Variants in SUMF1 observed in about 807,000 individuals in gnomAD.
SUMF1 encodes the protein sulfatase modifying factor 1.
A neutral mutation model predicts 47.6 loss-of-function variants in SUMF1; 48 were observed. The observed-to-expected ratio is 1.01, with a 90% CI of 0.80 to 1.28. The LOEUF (loss-of-function observed/expected upper bound fraction) is 1.28. SUMF1 is among the 50% of genes most tolerant of loss of function. The pLI, the probability that SUMF1 is intolerant of heterozygous loss-of-function variation, is 0.00. For synonymous variants in SUMF1, 230 were observed against 192.1 expected, an observed-to-expected ratio of 1.20 and a Z score of -1.63; for missense variants, 571 against 485.4, an observed-to-expected ratio of 1.18 and a Z score of -1.66.
chr3:4,159,727 T>C (rs1280032658), intron 8 of SUMF1, among the ~76,000 whole-genome samples: 1 of 152,170 alleles, frequency 6.6e-6, no homozygotes, highest in African/African-American at 2.4e-5. Flanking sequence ...TTAGCATTTC[T>C]TATAGGACAG....
chr3:4,366,605 T>C (rs1322022369), intron 8 of SUMF1, among the ~76,000 whole-genome samples: 3 of 151,344 alleles, frequency 2.0e-5, no homozygotes, highest in Non-Finnish European at 4.4e-5. Flanking sequence ...GTTATTCTAG[T>C]TATACATTCG....
At chr3:4,063,333 C>T (rs1377330754) in intron 9 of SUMF1, among the ~76,000 whole-genome samples, 1 of 152,090 alleles carries the variant, frequency 6.6e-6, no homozygotes, top group African/African-American at 2.4e-5. Flanking sequence ...TACTGCAGAA[C>T]TTAGACCAGT....
At chr3:4,302,337 T>C (rs1009368525) in intron 8 of SUMF1, among the ~76,000 whole-genome samples, 7 of 152,038 alleles carry the variant, frequency 4.6e-5, no homozygotes, top group African/African-American at 7.2e-5. Context: ...TTCCAGGTCA[T>C]AGGTAGATTT....
At chr3:4,270,535 T>A (rs1283534674) in intron 8 of SUMF1, among the ~76,000 whole-genome samples, 2 of 152,130 alleles carry the variant, frequency 1.3e-5, no homozygotes, top group East Asian at 3.8e-4. Context: ...CAACTCCTAA[T>A]TCTTAAGGAT....
chr3:4,456,629 TA>T (rs2079609445), intron 1 of SUMF1, among the ~76,000 whole-genome samples: 1 of 136,952 alleles, frequency 7.3e-6, no homozygotes, highest in Non-Finnish European at 1.6e-5. Context: ...TATATATATA[TA>T]TATACGTGTA....
At chr3:4,379,388 G>A (rs1015739517) in intron 7 of SUMF1, among the ~76,000 whole-genome samples, 1 of 152,204 alleles carries the variant, frequency 6.6e-6, no homozygotes, top group Admixed American at 6.5e-5. Flanking sequence ...AAGTCTATGT[G>A]GTGATGGAGG....
At chr3:4,276,332 A>G (rs572875326) in intron 8 of SUMF1, among the ~76,000 whole-genome samples, 5 of 152,314 alleles carry the variant, frequency 3.3e-5, no homozygotes, top group Admixed American at 3.3e-4. Flanking sequence ...AAGACATAAT[A>G]TGTTTAACTG....
chr3:4,355,319 T>G (rs558188026), intron 8 of SUMF1, among the ~76,000 whole-genome samples: 9 of 152,322 alleles, frequency 5.9e-5, no homozygotes, highest in Non-Finnish European at 1.0e-4. Flanking sequence ...ATTGCACCAC[T>G]GCCCTCGGGC....
At chr3:4,064,311 T>C (rs890791124) in intron 9 of SUMF1, among the ~76,000 whole-genome samples, 4 of 152,092 alleles carry the variant, frequency 2.6e-5, no homozygotes, top group African/African-American at 9.7e-5. Context: ...CTATAATGCG[T>C]TAGCATGCTA....
chr3:4,268,250 A>G lies in SUMF1; in HGVS notation c.1014+108080T>C, dbSNP rs187388107. 4.0e-5 allele frequency among the ~76,000 whole-genome samples: 6 copies of G among 150,530 alleles called. 1 individual carries two copies. Among genetic ancestry groups the G allele is most frequent in the South Asian group, 2.1e-4 (1 of 4,708 alleles). On this transcript the variant is annotated intron_variant and NMD_transcript_variant, in intron 8 of 12. Coordinates refer to the SUMF1 transcript ENST00000448413. ...GGGGACTGTTGTGGGGTTGGGGGAG[A>G]GGGGAGGGATAGCATTGGGAGATAT... is the stretch of plus-strand genomic sequence containing the variant.
chr3:4,178,653 C>T (rs147061801), intron 8 of SUMF1, among the ~76,000 whole-genome samples: 46 of 152,278 alleles, frequency 3.0e-4, no homozygotes, highest in African/African-American at 9.9e-4. Flanking sequence ...CGCTCTCTCA[C>T]CACTCCTATT....
At chr3:4,303,341 A>C in intron 8 of SUMF1, 1 of 1,520,626 alleles carries the variant, frequency 6.6e-7, no homozygotes, top group Admixed American at 2.2e-5. Context: ...CAGGACTGTC[A>C]GGGTAGTGGG....
chr3:4,237,739 T>C (rs936021620), intron 8 of SUMF1, among the ~76,000 whole-genome samples: 4 of 152,070 alleles, frequency 2.6e-5, no homozygotes, highest in Non-Finnish European at 5.9e-5. Context: ...TTTTCAGTCA[T>C]ATTTTAGGAT....
intron 8 of SUMF1, among the ~76,000 whole-genome samples, chr3:4,077,664 G>T (rs1269875780): frequency 6.6e-6 from 1 of 152,044 alleles, no homozygotes; most frequent in African/African-American, 2.4e-5. Flanking sequence ...CATCGGGTTG[G>T]GGGCTGGGGG....
At chr3:4,130,449 C>T (rs1324795943) in intron 8 of SUMF1, among the ~76,000 whole-genome samples, 2 of 152,152 alleles carry the variant, frequency 1.3e-5, no homozygotes, top group East Asian at 3.9e-4. Flanking sequence ...TCAGAAAGAC[C>T]TTGATCTCTT....
intron 8 of SUMF1, among the ~76,000 whole-genome samples, chr3:4,202,322 G>A (rs1695557996): frequency 6.6e-6 from 1 of 151,958 alleles, no homozygotes; most frequent in Non-Finnish European, 1.5e-5. Flanking sequence ...TTCTGCATAT[G>A]CATATCCAGT....
chr3:4,232,252 C>T (rs1242811), intron 8 of SUMF1, among the ~76,000 whole-genome samples: 4 of 151,928 alleles, frequency 2.6e-5, no homozygotes, highest in Non-Finnish European at 5.9e-5. Context: ...CAAGGAACTC[C>T]AAGAGGCCAA....
At chr3:4,329,140 G>T (rs573612496) in intron 8 of SUMF1, among the ~76,000 whole-genome samples, 1 of 152,320 alleles carries the variant, frequency 6.6e-6, no homozygotes, top group African/African-American at 2.4e-5. Context: ...TTAACAGGCT[G>T]GTATTGTCTG....
In SUMF1 at chr3:4,038,601, G is replaced by C. The variant is rs373547389; in HGVS notation, c.1191+29968C>G. On this transcript the variant is annotated intron_variant and NMD_transcript_variant, in intron 9 of 12. Coordinates refer to the SUMF1 transcript ENST00000448413. ...TGTGAGCTTGGGGCTCCACTTGCTGGGGAGCAAAGGGCGAAGGGCTCACTG... is the reference window on the plus strand; with the variant it reads ...TGTGAGCTTGGGGCTCCACTTGCTGCGGAGCAAAGGGCGAAGGGCTCACTG... 1.1e-4 allele frequency among the ~76,000 whole-genome samples: 16 copies of C among 152,258 alleles called. No individual in the cohort carries two copies. In the East Asian group the frequency reaches 2.9e-3, roughly 28 times the overall value.
Sources: allele counts gnomAD v4.1 joint callset (sites outside exome capture counted in the v4.1 genomes callset), GRCh38; gene constraint gnomAD v4.1.1; transcripts MANE v1.5; gene names NCBI Gene and HGNC (gene_info 2026-07-23, HGNC 2026-07-21).